PIEZO2: variants seen among roughly 807,000 people sequenced by gnomAD.
PIEZO2 encodes the protein piezo-type mechanosensitive ion channel component 2.
Under a neutral mutation model 337.3 loss-of-function variants are expected in PIEZO2, and 172 were observed. The observed-to-expected ratio is 0.51, with a 90% CI of 0.45 to 0.58. The LOEUF is 0.58. PIEZO2 is among the 20% of genes least tolerant of loss of function. PIEZO2 has a pLI of 0.00. For missense variants in PIEZO2, 3,028 were observed against 3,391.3 expected (o/e 0.89, Z 2.66); for synonymous variants, 1,251 against 1,228.5 (o/e 1.02, Z -0.38).
chr18:10,939,633 T>A (rs1353291032), intron 3 of PIEZO2, among the ~76,000 whole-genome samples: 1 of 152,210 alleles, frequency 6.6e-6, no homozygotes, highest in Non-Finnish European at 1.5e-5. Flanking sequence ...TGGATGAAGC[T>A]GGAAGACATC....
chr18:10,928,300 C>T (rs1042423442), intron 3 of PIEZO2, among the ~76,000 whole-genome samples: 1 of 152,174 alleles, frequency 6.6e-6, no homozygotes, highest in African/African-American at 2.4e-5. Context: ...GCCTGTCAAA[C>T]AGACAGAAGT....
rs1196252627 is a variant in PIEZO2 at position 10,921,698 on chromosome 18, G to A, written c.287-10470C>T. Among the ~76,000 whole-genome samples the A allele has an allele frequency of 3.9e-5, 6 of 152,250 alleles. No homozygotes were observed. The South Asian group carries it at 6.2e-4, about 16-fold the overall frequency. ...GAGATCACCTTAAACTCTGACCGCT[G>A]GTGAGCCGGGCGGAAAAGAGCCATA... On this transcript the variant is annotated intron_variant, in intron 3 of 55. Coordinates refer to ENST00000674853, the MANE Select transcript of PIEZO2 (RefSeq NM_001378183.1).
intron 35 of PIEZO2, among the ~76,000 whole-genome samples, chr18:10,733,071 G>A (rs2036850253): frequency 6.6e-6 from 1 of 152,104 alleles, no homozygotes; most frequent in Non-Finnish European, 1.5e-5. Context: ...AAACTGGGAG[G>A]AAAAGGGGAG....
chr18:10,781,843 G>A lies in PIEZO2; in HGVS notation c.2493-1477C>T, dbSNP rs1281619652. ...CAGTGTGGAAATCAGCTTAACGAGC[G>A]AATCGGTTATTCCTGATCTGTGGGC... is the stretch of plus-strand genomic sequence containing the variant. On this transcript the variant is annotated intron_variant, in intron 17 of 55. Coordinates refer to ENST00000674853, the MANE Select transcript of PIEZO2 (RefSeq NM_001378183.1). This position sits in a 1 kb window ranked among gnomAD's most constrained non-coding sequence, Gnocchi z 4.1. Among the ~76,000 whole-genome samples, 1 of 152,036 alleles carries A rather than the reference G, an allele frequency of 6.6e-6. No individual in the cohort carries two copies. Among genetic ancestry groups the A allele is most frequent in the Non-Finnish European group, 1.5e-5 (1 of 68,010 alleles).
chr18:10,674,659 C>T (rs915692149), intron 54 of PIEZO2, among the ~76,000 whole-genome samples: 12 of 152,224 alleles, frequency 7.9e-5, no homozygotes, highest in African/African-American at 2.4e-4. Flanking sequence ...ACTGGTTTTC[C>T]GCGTTGTCCA....
At chr18:11,068,469 T>A (rs909347159) in intron 1 of PIEZO2, among the ~76,000 whole-genome samples, 11 of 151,774 alleles carry the variant, frequency 7.2e-5, no homozygotes, top group South Asian at 2.1e-4. Flanking sequence ...AAAGGGAGAT[T>A]AGAAAATACC....
intron 7 of PIEZO2, among the ~76,000 whole-genome samples, chr18:10,817,256 G>T (rs919258111): frequency 2.6e-5 from 4 of 152,096 alleles, no homozygotes; most frequent in Non-Finnish European, 5.9e-5. Context: ...ATCCCACCCT[G>T]TTTAATTGTC....
rs1175214479 is a variant in PIEZO2 at position 11,148,483 on chromosome 18, C to G, written c.64+42G>C. 3.3e-6 allele frequency: 5 copies of G among 1,534,098 alleles called. No individual in the cohort carries two copies. Among genetic ancestry groups the G allele is most frequent in the Non-Finnish European group, 4.4e-6 (5 of 1,144,136 alleles). On this transcript the variant is annotated intron_variant, in intron 1 of 55. Coordinates refer to ENST00000674853, the MANE Select transcript of PIEZO2 (RefSeq NM_001378183.1). This position sits in a 1 kb window ranked among gnomAD's most constrained non-coding sequence, Gnocchi z 5.2. ...AGAAGTCCCCCACCCAGGCGCCCCC[C>G]TCGTCCTCCTCAAGTGCCCTCGGAA...
chr18:11,132,660 CAGA>C lies in PIEZO2; in HGVS notation c.64+15862_64+15864del, dbSNP rs1254797750. On this transcript the variant is annotated intron_variant, in intron 1 of 55. Coordinates refer to ENST00000674853, the MANE Select transcript of PIEZO2 (RefSeq NM_001378183.1). The surrounding 1 kb of genome is among the most constrained non-coding windows in gnomAD (Gnocchi z 4.7). Reference sequence around the variant, plus strand: ...TCTGCTGGCCTAGAGGTCTTAGTTCCAGAAGAAGGAGCACTGCCACCAGTAGAC... The same window carrying C: ...TCTGCTGGCCTAGAGGTCTTAGTTCCAGAAGGAGCACTGCCACCAGTAGAC... 4.5e-4 allele frequency among the ~76,000 whole-genome samples: 68 copies of C among 152,162 alleles called. 2 individuals are homozygous for C. The South Asian group carries it at 0.014, about 31-fold the overall frequency.
intron 7 of PIEZO2, among the ~76,000 whole-genome samples, chr18:10,826,981 T>G (rs2040694579): frequency 1.3e-5 from 2 of 152,176 alleles, no homozygotes; most frequent in Admixed American, 6.5e-5. Context: ...GTTGGATTTT[T>G]CACTTAGCAA....
Position 10,962,929 on chromosome 18 carries a change from T to C in PIEZO2, c.286+16606A>G, listed in dbSNP as rs2033844207. On this transcript the variant is annotated intron_variant, in intron 3 of 55. Transcript: ENST00000674853. The surrounding 1 kb of genome is among the most constrained non-coding windows in gnomAD (Gnocchi z 4.1). ...TACACCTCTATCATCTCATAAACTTTAAAAGACTAAAATTGGTCTGGGGCT... is the reference window on the plus strand; with the variant it reads ...TACACCTCTATCATCTCATAAACTTCAAAAGACTAAAATTGGTCTGGGGCT... 1.3e-5 allele frequency among the ~76,000 whole-genome samples: 2 copies of C among 152,130 alleles called. No individual in the cohort carries two copies. Among genetic ancestry groups the C allele is most frequent in the South Asian group, 4.1e-4 (2 of 4,830 alleles).
At chr18:10,691,137 T>G (rs1209060039) in intron 48 of PIEZO2, 88 bp downstream of exon 48, 1 of 1,413,178 alleles carries the variant, frequency 7.1e-7, no homozygotes, top group Admixed American at 2.0e-5. Flanking sequence ...ATTCATCCTC[T>G]CCCCCTTACT....
At chr18:10,686,471 A>T in intron 49 of PIEZO2, among the ~76,000 whole-genome samples, 1 of 152,228 alleles carries the variant, frequency 6.6e-6, no homozygotes, top group Non-Finnish European at 1.5e-5. Flanking sequence ...GGTAGCCAGG[A>T]CAGCATAGGG....
At chr18:11,062,167 C>T (rs1265640312) in intron 2 of PIEZO2, among the ~76,000 whole-genome samples, 2 of 151,674 alleles carry the variant, frequency 1.3e-5, no homozygotes, top group Non-Finnish European at 2.9e-5. Flanking sequence ...GAAATGATTC[C>T]CTATTTAATA....
At chr18:10,935,025 G>T (rs1206232405) in intron 3 of PIEZO2, among the ~76,000 whole-genome samples, 2 of 152,288 alleles carry the variant, frequency 1.3e-5, no homozygotes, top group African/African-American at 4.8e-5. Flanking sequence ...CCACCTGGCT[G>T]TGATGTCTGT....
At chr18:11,018,188 C>A (rs568517069) in intron 2 of PIEZO2, among the ~76,000 whole-genome samples, 1 of 149,094 alleles carries the variant, frequency 6.7e-6, no homozygotes, top group East Asian at 2.0e-4. Flanking sequence ...CCTCAGTCAT[C>A]GCATGGTGGT....
At chr18:10,848,038 T>G (rs970120510) in intron 7 of PIEZO2, among the ~76,000 whole-genome samples, 1 of 152,242 alleles carries the variant, frequency 6.6e-6, no homozygotes, top group Non-Finnish European at 1.5e-5. Context: ...TTCTGTGCTG[T>G]TTCTGTTTAT....
intron 43 of PIEZO2, among the ~76,000 whole-genome samples, chr18:10,701,697 T>C (rs948918034): frequency 1.3e-5 from 2 of 152,238 alleles, no homozygotes; most frequent in Admixed American, 1.3e-4. Context: ...CAAAAGTGGA[T>C]TCACGATTAC....
intron 2 of PIEZO2, among the ~76,000 whole-genome samples, chr18:11,025,017 T>G (rs1022102127): frequency 6.6e-6 from 1 of 151,976 alleles, no homozygotes; most frequent in Admixed American, 6.5e-5. Flanking sequence ...ATAGCCTGCA[T>G]GAGATGGAAG....
Sources: allele counts gnomAD v4.1 joint callset (sites outside exome capture counted in the v4.1 genomes callset), GRCh38; gene constraint gnomAD v4.1.1; non-coding constraint Gnocchi (gnomAD v3.1); transcripts MANE v1.5; gene names NCBI Gene and HGNC (gene_info 2026-07-23, HGNC 2026-07-21).